The following GPSM2 variants were observed in gnomAD, a reference collection of about 807,000 sequenced individuals.
GPSM2 encodes the protein G protein signaling modulator 2, also known as G protein-signaling modulator 2.
A neutral mutation model predicts 78.4 loss-of-function variants in GPSM2; 58 were observed. The observed-to-expected ratio is 0.74, with a 90% CI of 0.60 to 0.92. The LOEUF (loss-of-function observed/expected upper bound fraction) is 0.92, where lower values mean the gene tolerates loss of function less well. Ranked by LOEUF, GPSM2 falls within the 40% of genes least tolerant of loss-of-function variation. The pLI, the probability that GPSM2 is intolerant of heterozygous loss-of-function variation, is 0.00. For synonymous variants in GPSM2, 224 were observed against 280.2 expected (o/e 0.80, Z 2.00); for missense variants, 700 against 815.5 (o/e 0.86, Z 1.73).
intron 8 of GPSM2, among the ~76,000 whole-genome samples, chr1:108,902,884 A>G (rs1648925093): frequency 6.6e-6 from 1 of 152,198 alleles, no homozygotes; most frequent in Admixed American, 6.5e-5. Context: ...TGTATTTCAT[A>G]TTTTAAAAGC....
chr1:108,900,273 CTT>C (rs1648687359), intron 7 of GPSM2, among the ~76,000 whole-genome samples: 1 of 118,204 alleles, frequency 8.5e-6, no homozygotes, highest in East Asian at 2.4e-4. Context: ...GAGTTTTGCT[CTT>C]GTCGCCCAGG....
At position 108,930,132 on chromosome 1, in the gene GPSM2, T is replaced by G; in HGVS notation, c.*192T>G. 1 of 585,062 alleles carries G rather than the reference T, an allele frequency of 1.7e-6. No individual in the cohort carries two copies. The highest frequency in any genetic ancestry group is 3.0e-6 in the Non-Finnish European group (1 of 334,478). 36.2% of individuals were successfully genotyped at this position (585,062 alleles called of 1,614,324 possible). On this transcript the variant is annotated 3_prime_UTR_variant, in exon 15 of 15. Transcript: ENST00000264126. ...ACATGCGCGTTTGAGGGTGGAGGGG[T>G]CCTGTAAGGTGCTTCATCGTCTGTG...
At chr1:108,919,608 T>C (rs567175516) in intron 12 of GPSM2, among the ~76,000 whole-genome samples, 1 of 152,220 alleles carries the variant, frequency 6.6e-6, no homozygotes, top group South Asian at 2.1e-4. Flanking sequence ...TATGGTGGTA[T>C]ATGCCTATGG....
At chr1:108,912,701 G>A (rs529282169) in intron 10 of GPSM2, among the ~76,000 whole-genome samples, 29 of 151,840 alleles carry the variant, frequency 1.9e-4, no homozygotes, top group African/African-American at 6.0e-4. Context: ...CTGTGATTGC[G>A]CCACTGCACT....
At chr1:108,878,611 A>C (rs1327026939) in intron 1 of GPSM2, among the ~76,000 whole-genome samples, 1 of 152,246 alleles carries the variant, frequency 6.6e-6, no homozygotes, top group Non-Finnish European at 1.5e-5. Flanking sequence ...TCTAAGATCT[A>C]TCTTTAGAAA....
intron 10 of GPSM2, 50 bp downstream of exon 10, chr1:108,904,304 A>G (rs1359681645): frequency 8.6e-7 from 1 of 1,156,348 alleles, no homozygotes; most frequent in Non-Finnish European, 1.3e-6. Context: ...CAATATTTAG[A>G]TTAAAGTTAT....
In GPSM2 at chr1:108,932,565, G is replaced by C. The variant is rs1652183539; in HGVS notation, c.*2625G>C. Reference sequence around the variant, plus strand: ...AATTTTTTAAAAGAATTTGGTTTTGGATTAAAAGGCATGCAAGCAGCATTA... The same window carrying C: ...AATTTTTTAAAAGAATTTGGTTTTGCATTAAAAGGCATGCAAGCAGCATTA... On this transcript the variant is annotated 3_prime_UTR_variant, in exon 15 of 15. Coordinates refer to ENST00000264126, the MANE Select transcript of GPSM2 (RefSeq NM_013296.5). 6.6e-6 allele frequency: 1 copy of C among 152,150 alleles called. No homozygotes were observed. Among genetic ancestry groups the C allele is most frequent in the South Asian group, 2.1e-4 (1 of 4,822 alleles). The allele number at this position is 152,150 out of a possible 1,614,324, so 9.4% of individuals were successfully genotyped here. A position where few individuals can be genotyped will look rare whatever the true frequency, so the allele number is the denominator to read the frequency against.
chr1:108,882,433 G>A (rs895330476), intron 1 of GPSM2: 21 of 152,032 alleles, frequency 1.4e-4, no homozygotes, highest in Non-Finnish European at 2.9e-4. Flanking sequence ...TACCTAATAC[G>A]ATGTAAATGC....
rs907992626 is a variant in GPSM2, at chr1:108,933,474, C to T, written c.*3534C>T. Reference sequence around the variant, plus strand: ...TACATTGTTACAGGCACGTAAGTAACACTTCCTGGATCCAAAAATGTGTAT... The same window carrying T: ...TACATTGTTACAGGCACGTAAGTAATACTTCCTGGATCCAAAAATGTGTAT... On this transcript the variant is annotated 3_prime_UTR_variant, in exon 15 of 15. Transcript: ENST00000264126. The T allele has an allele frequency of 6.6e-6, 1 of 151,808 alleles. No individual in the cohort carries two copies. Among genetic ancestry groups the T allele is most frequent in the Admixed American group, 6.6e-5 (1 of 15,230 alleles). 9.4% of individuals were successfully genotyped at this position (151,808 alleles called of 1,614,324 possible).
intron 11 of GPSM2, 95 bp from the exon 12 acceptor site, chr1:108,918,518 T>A (rs1371109836): frequency 2.2e-6 from 2 of 892,738 alleles, no homozygotes; most frequent in African/African-American, 3.3e-5. Context: ...CAATAGTAAA[T>A]AAGTGAGTAC....
chr1:108,924,254 A>T, intron 14 of GPSM2, 40 bp downstream of exon 14: 1 of 1,197,586 alleles, frequency 8.4e-7, no homozygotes, highest in South Asian at 1.2e-5. Flanking sequence ...TACAGCTCAG[A>T]TACCACTGAA....
chr1:108,924,798 T>C (rs1453519314), intron 14 of GPSM2, among the ~76,000 whole-genome samples: 1 of 151,950 alleles, frequency 6.6e-6, no homozygotes, highest in Non-Finnish European at 1.5e-5. Flanking sequence ...GATGGAGAAG[T>C]AATCAGGGCC....
intron 1 of GPSM2, among the ~76,000 whole-genome samples, chr1:108,883,117 A>G (rs2101312675): frequency 6.6e-6 from 1 of 152,326 alleles, no homozygotes; most frequent in East Asian, 1.9e-4. Context: ...TTTGTTGGCC[A>G]AGGGAAGAGA....
At chr1:108,901,408 G>A (rs756120263) in intron 7 of GPSM2, among the ~76,000 whole-genome samples, 17 of 152,078 alleles carry the variant, frequency 1.1e-4, no homozygotes, top group Admixed American at 2.0e-4. Context: ...CAAAGGTGAC[G>A]GTATGATTGA....
intron 10 of GPSM2, among the ~76,000 whole-genome samples, chr1:108,906,612 C>G (rs2101456831): frequency 6.7e-6 from 1 of 149,278 alleles, no homozygotes; most frequent in East Asian, 2.0e-4. Flanking sequence ...CACAGTGGCT[C>G]ACGCCTGTAA....
chr1:108,877,499 G>A (rs1039330864), intron 1 of GPSM2: 1 of 127,254 alleles, frequency 7.9e-6, no homozygotes, highest in Non-Finnish European at 1.6e-5. Flanking sequence ...AGCGTTAAGA[G>A]CCTCACTCCT....
At chr1:108,881,206 G>A (rs1021128619) in intron 1 of GPSM2, among the ~76,000 whole-genome samples, 14 of 152,304 alleles carry the variant, frequency 9.2e-5, no homozygotes, top group Middle Eastern at 3.4e-3. Context: ...GTTAGATGCC[G>A]TGATCTAGCA....
intron 2 of GPSM2, among the ~76,000 whole-genome samples, chr1:108,895,234 A>G (rs1367565329): frequency 2.0e-5 from 3 of 152,204 alleles, no homozygotes; most frequent in Non-Finnish European, 4.4e-5. Flanking sequence ...AGCATTAAGA[A>G]CAACTGCTCT....
chr1:108,905,343 TA>T (rs1649139100), intron 10 of GPSM2, among the ~76,000 whole-genome samples: 1 of 152,210 alleles, frequency 6.6e-6, no homozygotes, highest in African/African-American at 2.4e-5. Context: ...AAGACACTAA[TA>T]TTCATTGTCT....
Sources: gnomAD v4.1 joint callset for allele counts (sites outside exome capture counted in the v4.1 genomes callset) on GRCh38, gnomAD v4.1.1 for gene constraint, MANE v1.5 for transcripts, NCBI Gene and HGNC (gene_info 2026-07-23, HGNC 2026-07-21) for gene names.